The following FAM114A2 variants were observed in gnomAD, a reference collection of about 807,000 sequenced individuals.
FAM114A2 encodes the protein family with sequence similarity 114 member A2.
Under a neutral mutation model 58.4 loss-of-function variants are expected in FAM114A2, and 53 were observed. The observed-to-expected ratio is 0.91, with a 90% CI of 0.73 to 1.14. The LOEUF (loss-of-function observed/expected upper bound fraction) is 1.14, where lower values mean the gene tolerates loss of function less well. Among genes scored for constraint, FAM114A2 ranks in the 50% most tolerant of loss-of-function variants. The probability of loss-of-function intolerance (pLI) is 0.00; values close to 1 mark genes in which losing one functional copy is unlikely to be tolerated. For missense variants in FAM114A2, 601 were observed against 581.1 expected (o/e 1.03, Z -0.35); for synonymous variants, 228 against 211.4 (o/e 1.08, Z -0.68).
Position 153,991,282 on chromosome 5 carries a change from G to A in FAM114A2, c.*1694C>T, listed in dbSNP as rs1473434875. The A allele has an allele frequency of 6.6e-6, 1 of 152,150 alleles. No individual in the cohort carries two copies. Among genetic ancestry groups the A allele is most frequent in the African/African-American group, 2.4e-5 (1 of 41,428 alleles). The allele number at this position is 152,150 out of a possible 1,614,324, so 9.4% of individuals were successfully genotyped here. On this transcript the variant is annotated 3_prime_UTR_variant, in exon 14 of 14. Coordinates refer to ENST00000351797, the MANE Select transcript of FAM114A2 (RefSeq NM_018691.4). ...ACCTTAAATACATTTCTAGGTTAAG[G>A]ATTTAAAGCTGCCAAACTGCCATTG...
intron 1 of FAM114A2, chr5:154,037,330 A>G (rs1232126210): frequency 6.6e-6 from 1 of 152,214 alleles, no homozygotes; most frequent in Non-Finnish European, 1.5e-5. Flanking sequence ...ACACATTTCC[A>G]AAACACATAG....
intron 11 of FAM114A2, among the ~76,000 whole-genome samples, chr5:154,001,213 T>C (rs1349125560): frequency 6.6e-6 from 1 of 152,192 alleles, no homozygotes; most frequent in Non-Finnish European, 1.5e-5. Flanking sequence ...CACACATATA[T>C]ATTCATATAC....
In FAM114A2 at chr5:153,991,986, G is replaced by A. The variant is rs1769271130; in HGVS notation, c.*990C>T. The A allele has an allele frequency of 6.6e-6, 1 of 152,038 alleles. No homozygotes were observed. 9.4% of individuals were successfully genotyped at this position (152,038 alleles called of 1,614,324 possible). A position where few individuals can be genotyped will look rare whatever the true frequency, so the allele number is the denominator to read the frequency against. ...AGGATAAAAGTTATATCAAAAACATGCTAAAGAATACATTAAAACAAACAA... is the reference window on the plus strand; with the variant it reads ...AGGATAAAAGTTATATCAAAAACATACTAAAGAATACATTAAAACAAACAA... On this transcript the variant is annotated 3_prime_UTR_variant, in exon 14 of 14. Coordinates refer to ENST00000351797, the MANE Select transcript of FAM114A2 (RefSeq NM_018691.4).
rs1581754578 is a variant in FAM114A2 at position 153,994,800 on chromosome 5, T to G, written c.1383+119A>C. ...ATACACTATTTCTGTCATATCTACA[T>G]CAATATGGCTAAACTACCAATATGG... On this transcript the variant is annotated intron_variant, in intron 13 of 13. Coordinates refer to ENST00000351797, the MANE Select transcript of FAM114A2 (RefSeq NM_018691.4). The G allele has an allele frequency of 1.8e-5, 12 of 663,062 alleles. No individual in the cohort carries two copies. In the East Asian group the frequency reaches 2.9e-4, roughly 16 times the overall value. The allele number at this position is 663,062 out of a possible 1,614,324, so 41.1% of individuals were successfully genotyped here. A position where few individuals can be genotyped will look rare whatever the true frequency, so the allele number is the denominator to read the frequency against.
intron 4 of FAM114A2, among the ~76,000 whole-genome samples, chr5:154,032,212 C>T (rs1307326674): frequency 6.6e-6 from 1 of 152,138 alleles, no homozygotes. Context: ...AGTCACCAGA[C>T]CCTCTTCAAA....
chr5:154,011,725 C>G (rs983954319), intron 8 of FAM114A2, among the ~76,000 whole-genome samples: 6 of 152,140 alleles, frequency 3.9e-5, no homozygotes, highest in African/African-American at 1.4e-4. Flanking sequence ...TAAGCAAGTA[C>G]TGTACATGCG....
intron 8 of FAM114A2, among the ~76,000 whole-genome samples, chr5:154,022,156 G>C (rs1771461652): frequency 6.7e-6 from 1 of 149,294 alleles, no homozygotes; most frequent in South Asian, 2.1e-4. Flanking sequence ...AGATGGATTA[G>C]ACTTAGACCT....
chr5:154,027,886 C>T (rs1581828443), intron 6 of FAM114A2, among the ~76,000 whole-genome samples: 1 of 152,046 alleles, frequency 6.6e-6, no homozygotes, highest in East Asian at 1.9e-4. Flanking sequence ...AACAAACAAA[C>T]AAACAAACAA....
intron 4 of FAM114A2, among the ~76,000 whole-genome samples, chr5:154,031,209 G>A (rs955888088): frequency 6.8e-6 from 1 of 147,288 alleles, no homozygotes; most frequent in African/African-American, 2.5e-5. Flanking sequence ...CTATTTGGGA[G>A]GCTGAGGCAG....
At chr5:153,998,515 A>G (rs1769737375) in intron 11 of FAM114A2, among the ~76,000 whole-genome samples, 1 of 152,214 alleles carries the variant, frequency 6.6e-6, no homozygotes, top group African/African-American at 2.4e-5. Flanking sequence ...ACGTAGTTAT[A>G]AAGCAAGTCC....
chr5:154,003,252 C>G (rs1770124082), intron 9 of FAM114A2, among the ~76,000 whole-genome samples: 1 of 150,510 alleles, frequency 6.6e-6, no homozygotes, highest in South Asian at 2.1e-4. Context: ...AATCTTGGCT[C>G]ACTGCAACCT....
intron 8 of FAM114A2, among the ~76,000 whole-genome samples, chr5:154,023,618 CA>C (rs1208527990): frequency 6.6e-6 from 1 of 151,998 alleles, no homozygotes; most frequent in African/African-American, 2.4e-5. Flanking sequence ...TTCGGGGACT[CA>C]GGGGGAAAGG....
chr5:154,019,561 G>A (rs775709277), intron 8 of FAM114A2, among the ~76,000 whole-genome samples: 5 of 152,034 alleles, frequency 3.3e-5, no homozygotes, highest in Non-Finnish European at 7.4e-5. Flanking sequence ...CCAAAAAAGA[G>A]CCCACACAGC....
intron 8 of FAM114A2, among the ~76,000 whole-genome samples, chr5:154,012,196 G>C (rs1009152039): frequency 3.9e-5 from 6 of 152,156 alleles, no homozygotes; most frequent in Admixed American, 2.0e-4. Context: ...AAAAAGAAGA[G>C]AAGCAAAGGG....
intron 9 of FAM114A2, among the ~76,000 whole-genome samples, chr5:154,004,885 T>C (rs574868870): frequency 6.6e-6 from 1 of 152,286 alleles, no homozygotes; most frequent in East Asian, 1.9e-4. Context: ...CAATGGCTCC[T>C]CATCAACTAG....
intron 7 of FAM114A2, 78 bp from the exon 8 acceptor site, chr5:154,026,600 A>G (rs1282134417): frequency 1.9e-6 from 2 of 1,030,548 alleles, no homozygotes; most frequent in Non-Finnish European, 2.6e-6. Context: ...AGAGACTATA[A>G]AAAGATCATA....
chr5:154,004,202 TCTC>T (rs1177316189), intron 9 of FAM114A2, among the ~76,000 whole-genome samples: 1 of 152,188 alleles, frequency 6.6e-6, no homozygotes, highest in Non-Finnish European at 1.5e-5. Context: ...ATTTATCCAT[TCTC>T]CTGATAATGA....
At chr5:154,025,457 A>C (rs1771712977) in intron 8 of FAM114A2, among the ~76,000 whole-genome samples, 1 of 152,200 alleles carries the variant, frequency 6.6e-6, no homozygotes, top group African/African-American at 2.4e-5. Context: ...TTTTTAAAAA[A>C]TTCCTAAGTA....
chr5:154,028,417 A>C (rs1028510105), intron 5 of FAM114A2, 134 bp from the exon 6 acceptor site: 7 of 613,170 alleles, frequency 1.1e-5, no homozygotes, highest in Admixed American at 3.0e-5. Context: ...CAAATGAAAC[A>C]ATCACACACT....
Sources: gnomAD v4.1 joint callset for allele counts (sites outside exome capture counted in the v4.1 genomes callset) on GRCh38, gnomAD v4.1.1 for gene constraint, MANE v1.5 for transcripts, NCBI Gene and HGNC (gene_info 2026-07-23, HGNC 2026-07-21) for gene names.